MEAF6: variants seen among roughly 807,000 people sequenced by gnomAD.
MEAF6 encodes the protein chromatin modification-related protein MEAF6.
Under a neutral mutation model 28.9 loss-of-function variants are expected in MEAF6, and 15 were observed. The observed-to-expected ratio is 0.52, with a 90% CI of 0.35 to 0.80. The LOEUF (loss-of-function observed/expected upper bound fraction) is 0.80. MEAF6 is among the 30% of genes least tolerant of loss of function. The probability of loss-of-function intolerance (pLI) is 0.01; values close to 1 mark genes in which losing one functional copy is unlikely to be tolerated. For missense variants in MEAF6, 178 were observed against 237.5 expected, an observed-to-expected ratio of 0.75 and a Z score of 1.65; for synonymous variants, 97 against 88.7, an observed-to-expected ratio of 1.09 and a Z score of -0.53.
rs1641913068 is a variant in MEAF6 at position 37,491,033 on chromosome 1, AT to A, written c.*3065del. Reference sequence around the variant, plus strand: ...CAGAGCAAGACTCTGTCTCAAAAAAATAAATAAATAAAATAATGCCTCATTA... The same window carrying A: ...CAGAGCAAGACTCTGTCTCAAAAAAAAAATAAATAAAATAATGCCTCATTA... On this transcript the variant is annotated 3_prime_UTR_variant, in exon 7 of 7. Transcript: ENST00000296214. Among the ~76,000 whole-genome samples, 1 of 152,160 alleles carries A rather than the reference AT, an allele frequency of 6.6e-6. No homozygotes were observed.
intron 5 of MEAF6, among the ~76,000 whole-genome samples, chr1:37,496,929 A>C (rs1191598240): frequency 6.6e-6 from 1 of 152,246 alleles, no homozygotes; most frequent in East Asian, 1.9e-4. Context: ...TGGATTTCAT[A>C]TCAGAAGACT....
chr1:37,506,974 G>A (rs1411939984), intron 4 of MEAF6, among the ~76,000 whole-genome samples: 1 of 152,216 alleles, frequency 6.6e-6, no homozygotes, highest in Non-Finnish European at 1.5e-5. Context: ...CAGGTAAACA[G>A]CCATATACTG....
At chr1:37,513,169 C>A (rs576171539) in intron 2 of MEAF6, among the ~76,000 whole-genome samples, 1 of 152,144 alleles carries the variant, frequency 6.6e-6, no homozygotes, top group Non-Finnish European at 1.5e-5. Flanking sequence ...TAATAGAATG[C>A]TATTGTATAA....
chr1:37,510,179 C>T (rs1164337517), intron 2 of MEAF6, among the ~76,000 whole-genome samples: 1 of 151,152 alleles, frequency 6.6e-6, no homozygotes, highest in Non-Finnish European at 1.5e-5. Context: ...CAGGTTCAGA[C>T]GATTCTCCTG....
At position 37,490,700 on chromosome 1, in the gene MEAF6, C is replaced by A. The variant is rs1641899109; in HGVS notation, c.*3399G>T. On this transcript the variant is annotated 3_prime_UTR_variant, in exon 7 of 7. Coordinates refer to ENST00000296214, the MANE Select transcript of MEAF6 (RefSeq NM_001270875.3). The stretch of plus-strand genomic sequence containing the variant: ...CAGCTGGGACTAAAGGTGCATATCA[C>A]CATGCCCAGCTTGATGTGAATTTTT... 6.6e-6 allele frequency among the ~76,000 whole-genome samples: 1 copy of A among 152,166 alleles called. No homozygotes were observed. The highest frequency in any genetic ancestry group is 2.4e-5 in the African/African-American group (1 of 41,440).
chr1:37,509,250 G>A (rs755071050), intron 4 of MEAF6, 28 bp downstream of exon 4: 1 of 1,603,572 alleles, frequency 6.2e-7, no homozygotes, highest in African/African-American at 1.3e-5. Flanking sequence ...AAAATAAACT[G>A]ATGAGAAACA....
Position 37,493,842 on chromosome 1 carries a change from A to T in MEAF6, c.*257T>A. ...AAGAAGGGAGAAACGCACAGTTAGCAACTTGCTGGGATTACAACATTGTCT... is the reference window on the plus strand; with the variant it reads ...AAGAAGGGAGAAACGCACAGTTAGCTACTTGCTGGGATTACAACATTGTCT... On this transcript the variant is annotated 3_prime_UTR_variant, in exon 7 of 7. Transcript: ENST00000296214. 6 of 1,550,122 alleles carry T rather than the reference A, an allele frequency of 3.9e-6. No homozygotes were observed. The highest frequency in any genetic ancestry group is 5.2e-6 in the Non-Finnish European group (6 of 1,147,442).
In MEAF6 at chr1:37,509,583, T is replaced by C. The variant is rs369013653; in HGVS notation, c.207-41A>G. On this transcript the variant is annotated intron_variant, in intron 2 of 6. Transcript: ENST00000296214. ...AACTCATTATGAGCACCAAGCTATG[T>C]CTATGGCTCAAGCTGGGGATGCCCC... 49 of 1,556,218 alleles carry C rather than the reference T, an allele frequency of 3.1e-5. No homozygotes were observed. The African/African-American group carries it at 5.0e-4, about 16-fold the overall frequency.
intron 1 of MEAF6, chr1:37,513,837 C>T (rs1298504599): frequency 8.6e-6 from 4 of 466,446 alleles, no homozygotes; most frequent in African/African-American, 7.7e-5. Flanking sequence ...CCCAGGCTAA[C>T]GCAGAACTTG....
At chr1:37,501,326 A>T (rs2148070667) in intron 5 of MEAF6, 2 of 152,450 alleles carry the variant, frequency 1.3e-5, no homozygotes, top group Middle Eastern at 6.8e-3. Flanking sequence ...CACAAGCAAT[A>T]AAAAAAACTT....
intron 4 of MEAF6, among the ~76,000 whole-genome samples, chr1:37,502,912 AC>A (rs1483747676): frequency 6.8e-6 from 1 of 147,808 alleles, no homozygotes; most frequent in African/African-American, 2.5e-5. Flanking sequence ...GAGCCACCAC[AC>A]CCAGCCTGGT....
intron 4 of MEAF6, among the ~76,000 whole-genome samples, chr1:37,508,454 T>C (rs1642558856): frequency 6.6e-6 from 1 of 151,946 alleles, no homozygotes; most frequent in Non-Finnish European, 1.5e-5. Flanking sequence ...AATTTTTTAA[T>C]TTTTTGTAGA....
intron 6 of MEAF6, among the ~76,000 whole-genome samples, chr1:37,495,684 C>CAAAAAAAAAAAAAAAAAAAAA (rs376230589): frequency 1.4e-5 from 1 of 70,560 alleles, no homozygotes; most frequent in Non-Finnish European, 2.5e-5. Context: ...AACTGTCTCT[C>CAAAAAAAAAAAAAAAAAAAAA]AAAAAAAAAA....
intron 4 of MEAF6, among the ~76,000 whole-genome samples, chr1:37,506,757 C>T (rs534457883): frequency 6.6e-6 from 1 of 152,162 alleles, no homozygotes; most frequent in Non-Finnish European, 1.5e-5. Flanking sequence ...TGGCTCACTA[C>T]AGCCTTGAAC....
rs1418830623 is a variant in MEAF6 at position 37,499,183 on chromosome 1, G to A, written c.533+2621C>T. On this transcript the variant is annotated intron_variant, in intron 5 of 6. Transcript: ENST00000296214. ...AAAAAAATTTCATATTCCTGAAGAG[G>A]GCAAATTCAAGTTATTTCCTTTTGC... Among the ~76,000 whole-genome samples, 4 of 151,538 alleles carry A rather than the reference G, an allele frequency of 2.6e-5. No individual in the cohort carries two copies. The East Asian group carries it at 7.7e-4, about 29-fold the overall frequency.
chr1:37,500,122 CGT>C (rs1296663824), intron 5 of MEAF6, among the ~76,000 whole-genome samples: 1 of 152,120 alleles, frequency 6.6e-6, no homozygotes, highest in Non-Finnish European at 1.5e-5. Context: ...CACAGTGAAA[CGT>C]GTCTCTACTA....
chr1:37,501,821 C>A lies in MEAF6; in HGVS notation c.516G>T (p.Lys172Asn). ...GSHHSSHKKR[K>N]NKNRHRIDLK... ...CCACTGACCTGTGCCGGTTTTTATT[C>A]TTTCGCTTTTTATGGCTGCTGTGGT... The change falls in exon 5 of 7, where the codon AAG (lysine) becomes AAT (asparagine). Residue 172 changes from lysine to asparagine, a missense_variant. This residue lies in a region of MEAF6 where 124 missense variants were observed against 200.5 expected (regional missense o/e 0.62). Transcript: ENST00000296214. 1.3e-6 allele frequency: 2 copies of A among 1,589,436 alleles called. No individual in the cohort carries two copies. The highest frequency in any genetic ancestry group is 1.7e-5 in the Admixed American group (1 of 58,602).
chr1:37,505,921 A>T (rs12739637), intron 4 of MEAF6, among the ~76,000 whole-genome samples: 8,028 of 152,290 alleles, frequency 0.053, 263 homozygotes, highest in South Asian at 0.14. Context: ...CTCACAACAT[A>T]CACAAAAATT....
chr1:37,501,183 T>C (rs1332180500), intron 5 of MEAF6, among the ~76,000 whole-genome samples: 1 of 152,208 alleles, frequency 6.6e-6, no homozygotes, highest in Non-Finnish European at 1.5e-5. Context: ...TATCTCATTA[T>C]GTACTGCAAA....
Sources: gnomAD v4.1 joint callset for allele counts (sites outside exome capture counted in the v4.1 genomes callset) on GRCh38, gnomAD v4.1.1 for gene constraint, gnomAD v4.1.1 regional missense constraint, MANE v1.5 for transcripts, NCBI Gene and HGNC (gene_info 2026-07-23, HGNC 2026-07-21) for gene names.